The following RBFOX1 variants were observed in gnomAD, a reference collection of about 807,000 sequenced individuals.
RBFOX1 encodes RNA binding protein fox-1 homolog 1.
RBFOX1 carries 8 observed loss-of-function variants against 57.7 expected under a neutral mutation model. That is an observed-to-expected ratio of 0.14 (90% confidence interval 0.08 to 0.25). The LOEUF is 0.25. Among genes scored for constraint, RBFOX1 ranks in the 10% least tolerant of loss-of-function variants. The pLI is 1.00. For missense variants in RBFOX1, 611 were observed against 548.5 expected, an observed-to-expected ratio of 1.11 and a Z score of -1.14; for synonymous variants, 326 against 222.4, an observed-to-expected ratio of 1.47 and a Z score of -4.15.
chr16:7,544,295 C>G (rs545840207), intron 5 of RBFOX1, among the ~76,000 whole-genome samples: 4 of 152,338 alleles, frequency 2.6e-5, no homozygotes, highest in African/African-American at 9.6e-5. Context: ...TGATTACTTA[C>G]TGGCTATGTC....
intron 1 of RBFOX1, among the ~76,000 whole-genome samples, chr16:6,126,282 C>G (rs777054401): frequency 3.0e-4 from 46 of 152,208 alleles, no homozygotes; most frequent in Non-Finnish European, 6.0e-4. Flanking sequence ...GTGACCTAAC[C>G]TTCGCAGGCC....
chr16:7,479,304 T>C (rs1267544417), intron 4 of RBFOX1, among the ~76,000 whole-genome samples: 1 of 151,884 alleles, frequency 6.6e-6, no homozygotes, highest in Non-Finnish European at 1.5e-5. Flanking sequence ...TTGTATTGTA[T>C]AGTTTTGTAG....
rs183175225 is a variant in RBFOX1, at chr16:5,902,413, T to A, written c.351+35078T>A. ...TGTTCCTTAATTTAATTAATTAATTTATTTTTATTTTTATTTTTGAGATGG... is the reference window on the plus strand; with the variant it reads ...TGTTCCTTAATTTAATTAATTAATTAATTTTTATTTTTATTTTTGAGATGG... On this transcript the variant is annotated intron_variant, in intron 4 of 19. Transcript: ENST00000641259. 7.7e-4 allele frequency among the ~76,000 whole-genome samples: 117 copies of A among 152,198 alleles called. 1 individual carries two copies. The highest frequency in any genetic ancestry group is 2.7e-3 in the African/African-American group (113 of 41,506).
chr16:7,060,586 A>C (rs2053944267), intron 4 of RBFOX1, among the ~76,000 whole-genome samples: 1 of 152,228 alleles, frequency 6.6e-6, no homozygotes. Flanking sequence ...GAAACACAAA[A>C]TAAAATTATG....
At chr16:5,730,975 C>T (rs558553186) in intron 3 of RBFOX1, among the ~76,000 whole-genome samples, 4 of 148,442 alleles carry the variant, frequency 2.7e-5, no homozygotes, top group Admixed American at 2.0e-4. Context: ...ATCATCGTTA[C>T]CGTCACTACC....
At chr16:6,945,185 A>C (rs567498416) in intron 3 of RBFOX1, among the ~76,000 whole-genome samples, 1 of 152,128 alleles carries the variant, frequency 6.6e-6, no homozygotes, top group East Asian at 1.9e-4. Flanking sequence ...GTGACCTCAG[A>C]CTGCTTAGGA....
At chr16:5,580,302 T>A (rs1450959418) in intron 2 of RBFOX1, among the ~76,000 whole-genome samples, 9 of 152,312 alleles carry the variant, frequency 5.9e-5, no homozygotes, top group South Asian at 4.1e-4. Flanking sequence ...TCCACTCTGA[T>A]CTGGGAGCAG....
chr16:7,705,805 C>T (rs2082250301), intron 14 of RBFOX1, among the ~76,000 whole-genome samples: 1 of 152,034 alleles, frequency 6.6e-6, no homozygotes, highest in Non-Finnish European at 1.5e-5. Flanking sequence ...GAACTAGTGG[C>T]ATATATTAGT....
intron 1 of RBFOX1, among the ~76,000 whole-genome samples, chr16:5,284,402 A>G (rs1307739029): frequency 6.6e-6 from 1 of 152,036 alleles, no homozygotes; most frequent in Non-Finnish European, 1.5e-5. Flanking sequence ...AGAGAGTTTT[A>G]TACTTTCATG....
chr16:7,360,810 CATT>C (rs1305716151), intron 4 of RBFOX1, among the ~76,000 whole-genome samples: 1 of 152,196 alleles, frequency 6.6e-6, no homozygotes, highest in African/African-American at 2.4e-5. Flanking sequence ...CACACAGTGC[CATT>C]AATTAGGCTT....
intron 3 of RBFOX1, among the ~76,000 whole-genome samples, chr16:6,783,802 C>T (rs1202641142): frequency 3.3e-5 from 5 of 152,074 alleles, no homozygotes; most frequent in African/African-American, 9.7e-5. Context: ...TGAAGAACTC[C>T]CTTCAGCATT....
At chr16:6,270,226 C>T (rs186206971) in intron 1 of RBFOX1, among the ~76,000 whole-genome samples, 1 of 151,986 alleles carries the variant, frequency 6.6e-6, no homozygotes, top group East Asian at 1.9e-4. Flanking sequence ...AAATTAAGCA[C>T]TAACATACCA....
At chr16:5,362,332 A>G (rs113262773) in intron 1 of RBFOX1, among the ~76,000 whole-genome samples, 1,948 of 152,146 alleles carry the variant, frequency 0.013, 39 homozygotes, top group African/African-American at 0.044. Context: ...CTGGGACTAC[A>G]GGTGCACGCC....
At chr16:7,121,267 A>T (rs1426475025) in intron 4 of RBFOX1, among the ~76,000 whole-genome samples, 1 of 152,112 alleles carries the variant, frequency 6.6e-6, no homozygotes, top group East Asian at 1.9e-4. Flanking sequence ...TACTCACTAC[A>T]ATAAGGAAGA....
Position 7,285,075 on chromosome 16 carries a change from C to CTTTTTTT in RBFOX1, c.27+233001_27+233007dup, listed in dbSNP as rs58959488. On this transcript the variant is annotated intron_variant, in intron 4 of 15. Coordinates refer to ENST00000550418, the MANE Select transcript of RBFOX1 (RefSeq NM_018723.4). ...CCCTTTGCTATCTATAGATTCCTTA[C>CTTTTTTT]TTTTTTTTTTTTTTTTTTTTTTTTT... Among the ~76,000 whole-genome samples, 33 of 42,732 alleles carry CTTTTTTT rather than the reference C, an allele frequency of 7.7e-4. 5 individuals carry two copies. Among genetic ancestry groups the CTTTTTTT allele is most frequent in the Non-Finnish European group, 1.4e-3 (30 of 21,018 alleles). The allele number at this position is 42,732 out of a possible 152,430, so 28.0% of individuals were successfully genotyped here.
intron 2 of RBFOX1, among the ~76,000 whole-genome samples, chr16:6,603,477 G>A (rs538051141): frequency 6.6e-6 from 1 of 152,260 alleles, no homozygotes; most frequent in African/African-American, 2.4e-5. Context: ...CCTTGCTCTT[G>A]CTTTAGATCA....
At chr16:7,676,270 C>G (rs1056946612) in intron 13 of RBFOX1, among the ~76,000 whole-genome samples, 4 of 152,094 alleles carry the variant, frequency 2.6e-5, no homozygotes, top group Admixed American at 1.3e-4. Flanking sequence ...GTTTAACAAC[C>G]AGATAGGTAA....
At chr16:6,718,782 G>C (rs898040054) in intron 3 of RBFOX1, among the ~76,000 whole-genome samples, 12 of 152,130 alleles carry the variant, frequency 7.9e-5, no homozygotes, top group South Asian at 2.1e-4. Flanking sequence ...CTCACAACTA[G>C]GTTGACTCCA....
chr16:6,952,524 C>T (rs550231176), intron 3 of RBFOX1, among the ~76,000 whole-genome samples: 1 of 151,880 alleles, frequency 6.6e-6, no homozygotes, highest in Non-Finnish European at 1.5e-5. Context: ...TGTAGTCCCA[C>T]CTACCTGGGA....
Sources: allele counts gnomAD v4.1 joint callset (sites outside exome capture counted in the v4.1 genomes callset), GRCh38; gene constraint gnomAD v4.1.1; transcripts MANE v1.5; gene names NCBI Gene and HGNC (gene_info 2026-07-23, HGNC 2026-07-21).